HS6ST3: variants seen among roughly 807,000 people sequenced by gnomAD.
HS6ST3 encodes the protein heparan-sulfate 6-O-sulfotransferase 3.
HS6ST3 carries 12 observed loss-of-function variants against 36.7 expected under a neutral mutation model. The ratio of observed to expected loss-of-function variants is 0.33; its 90% confidence interval spans 0.21 to 0.53. The LOEUF is 0.53. HS6ST3 is among the 20% of genes least tolerant of loss of function. HS6ST3 has a pLI of 0.95. For missense variants in HS6ST3, 584 were observed against 640.9 expected (o/e 0.91, Z 0.96); for synonymous variants, 240 against 257.5 (o/e 0.93, Z 0.65).
At chr13:96,537,300 A>G (rs1283472481) in intron 1 of HS6ST3, among the ~76,000 whole-genome samples, 4 of 152,294 alleles carry the variant, frequency 2.6e-5, no homozygotes, top group Admixed American at 1.3e-4. Flanking sequence ...AACCACCCCT[A>G]TGATTCAGTT....
At chr13:96,663,570 A>G (rs912546073) in intron 1 of HS6ST3, among the ~76,000 whole-genome samples, 12 of 152,184 alleles carry the variant, frequency 7.9e-5, no homozygotes, top group Non-Finnish European at 1.6e-4. Flanking sequence ...GCAATGCTAC[A>G]TCTACTTTGG....
At chr13:96,523,829 T>C (rs1015153474) in intron 1 of HS6ST3, among the ~76,000 whole-genome samples, 10 of 152,198 alleles carry the variant, frequency 6.6e-5, no homozygotes, top group Non-Finnish European at 4.4e-5. Context: ...GAGAAGTTTG[T>C]TATTATCAAC....
chr13:96,200,766 G>T (rs919252406), intron 1 of HS6ST3, among the ~76,000 whole-genome samples: 1 of 152,166 alleles, frequency 6.6e-6, no homozygotes, highest in African/African-American at 2.4e-5. Context: ...GATGGCTACA[G>T]AATATACCTT....
At chr13:96,555,040 G>T (rs1446749587) in intron 1 of HS6ST3, among the ~76,000 whole-genome samples, 2 of 151,920 alleles carry the variant, frequency 1.3e-5, no homozygotes, top group Non-Finnish European at 2.9e-5. Flanking sequence ...TGGTCATGCC[G>T]CTGCACTCCA....
At chr13:96,559,463 A>T (rs929142882) in intron 1 of HS6ST3, among the ~76,000 whole-genome samples, 1 of 152,040 alleles carries the variant, frequency 6.6e-6, no homozygotes, top group Non-Finnish European at 1.5e-5. Flanking sequence ...TATCTTCCCA[A>T]TCCCTCTCTT....
chr13:96,382,819 T>C (rs1244445441), intron 1 of HS6ST3, among the ~76,000 whole-genome samples: 1 of 152,228 alleles, frequency 6.6e-6, no homozygotes, highest in South Asian at 2.1e-4. Flanking sequence ...TATTAAGATT[T>C]CTTCTCTCAC....
At chr13:96,228,939 G>A (rs906387784) in intron 1 of HS6ST3, among the ~76,000 whole-genome samples, 1 of 152,048 alleles carries the variant, frequency 6.6e-6, no homozygotes, top group African/African-American at 2.4e-5. Context: ...GTGTAGGCGT[G>A]GGTGTGAGGA....
intron 1 of HS6ST3, among the ~76,000 whole-genome samples, chr13:96,681,692 G>A (rs983966814): frequency 1.1e-4 from 16 of 152,104 alleles, no homozygotes; most frequent in Admixed American, 1.3e-4. Context: ...AAGCTCTGGA[G>A]TGGAAATCTG....
At chr13:96,386,724 G>A (rs555474240) in intron 1 of HS6ST3, among the ~76,000 whole-genome samples, 42 of 152,072 alleles carry the variant, frequency 2.8e-4, no homozygotes, top group African/African-American at 9.2e-4. Flanking sequence ...AAATTAGCTG[G>A]GTGTGGTGGG....
At chr13:96,384,580 C>G (rs538316639) in intron 1 of HS6ST3, among the ~76,000 whole-genome samples, 1 of 152,100 alleles carries the variant, frequency 6.6e-6, no homozygotes, top group Non-Finnish European at 1.5e-5. Flanking sequence ...AGAGGTGTGA[C>G]TCTTGCTTAT....
rs10534465 is a variant in HS6ST3 at position 96,316,257 on chromosome 13, C to CTGTGTG, written c.707+224726_707+224731dup. On this transcript the variant is annotated intron_variant, in intron 1 of 1. Transcript: ENST00000376705. ...GCATATACACATGCACTACATACAC[C>CTGTGTG]TGTGTGTGTGTGTGTGTGTGTGTGT... is the stretch of plus-strand genomic sequence containing the variant. Among the ~76,000 whole-genome samples the CTGTGTG allele has an allele frequency of 5.8e-3, 848 of 147,260 alleles. 5 individuals are homozygous for CTGTGTG. The highest frequency in any genetic ancestry group is 8.3e-3 in the East Asian group (41 of 4,912).
intron 1 of HS6ST3, among the ~76,000 whole-genome samples, chr13:96,538,758 C>T (rs981620350): frequency 1.3e-5 from 2 of 152,080 alleles, no homozygotes; most frequent in African/African-American, 2.4e-5. Context: ...ACATGAAAAT[C>T]GATTTCAGAA....
intron 1 of HS6ST3, among the ~76,000 whole-genome samples, chr13:96,509,630 C>T (rs1377957099): frequency 1.3e-5 from 2 of 152,102 alleles, no homozygotes; most frequent in Admixed American, 6.6e-5. Flanking sequence ...TTTTTGTATG[C>T]TTTGTCAAAG....
chr13:96,352,378 C>G (rs1386405679), intron 1 of HS6ST3, among the ~76,000 whole-genome samples: 1 of 152,188 alleles, frequency 6.6e-6, no homozygotes, highest in Non-Finnish European at 1.5e-5. Context: ...CAAGATGGTT[C>G]ATCCACATGG....
At chr13:96,446,291 A>AT (rs199532608) in intron 1 of HS6ST3, among the ~76,000 whole-genome samples, 30 of 151,398 alleles carry the variant, frequency 2.0e-4, no homozygotes, top group Admixed American at 1.1e-3. Flanking sequence ...AGTAAGTTAC[A>AT]TTTTTTTTTC....
At chr13:96,326,857 T>C (rs1232967432) in intron 1 of HS6ST3, among the ~76,000 whole-genome samples, 3 of 151,054 alleles carry the variant, frequency 2.0e-5, no homozygotes, top group Non-Finnish European at 2.9e-5. Flanking sequence ...CCTGACTTTT[T>C]AATGATTGCC....
chr13:96,333,310 A>G (rs1398032998), intron 1 of HS6ST3, among the ~76,000 whole-genome samples: 1 of 152,262 alleles, frequency 6.6e-6, no homozygotes, highest in Non-Finnish European at 1.5e-5. Flanking sequence ...TTCCATGTCT[A>G]TAATTCACAG....
At chr13:96,322,979 C>T (rs1298414466) in intron 1 of HS6ST3, among the ~76,000 whole-genome samples, 1 of 152,128 alleles carries the variant, frequency 6.6e-6, no homozygotes, top group Non-Finnish European at 1.5e-5. Flanking sequence ...ACAGGTGATT[C>T]TCCCCAGTCT....
intron 1 of HS6ST3, among the ~76,000 whole-genome samples, chr13:96,718,969 T>C (rs1875775576): frequency 1.3e-5 from 2 of 152,168 alleles, no homozygotes; most frequent in Non-Finnish European, 2.9e-5. Flanking sequence ...ATCTTTGAAA[T>C]AGCACCTAAG....
Sources: gnomAD v4.1 joint callset for allele counts (sites outside exome capture counted in the v4.1 genomes callset) on GRCh38, gnomAD v4.1.1 for gene constraint, MANE v1.5 for transcripts, NCBI Gene and HGNC (gene_info 2026-07-23, HGNC 2026-07-21) for gene names.